Variants in PRKAG2 observed in about 807,000 individuals in gnomAD.
The protein encoded by PRKAG2 is protein kinase AMP-activated non-catalytic subunit gamma 2, also known as 5'-AMP-activated protein kinase subunit gamma-2.
PRKAG2 carries 26 observed loss-of-function variants against 69.6 expected under a neutral mutation model. The observed-to-expected ratio is 0.37, with a 90% confidence interval of 0.27 to 0.52. The LOEUF (loss-of-function observed/expected upper bound fraction) is 0.52, where lower values mean the gene tolerates loss of function less well. Among genes scored for constraint, PRKAG2 ranks in the 20% least tolerant of loss-of-function variants. The pLI is 0.90. For missense variants in PRKAG2, 557 were observed against 740.0 expected, an observed-to-expected ratio of 0.75 and a Z score of 2.87; for synonymous variants, 293 against 285.0, an observed-to-expected ratio of 1.03 and a Z score of -0.28.
At chr7:151,763,890 G>C (rs570888919) in intron 3 of PRKAG2, among the ~76,000 whole-genome samples, 2 of 152,376 alleles carry the variant, frequency 1.3e-5, no homozygotes, top group East Asian at 3.9e-4. Context: ...GGCTCCCCTT[G>C]GAGCTTGCAG....
At chr7:151,636,127 A>C (rs1363971326) in intron 4 of PRKAG2, among the ~76,000 whole-genome samples, 2 of 152,160 alleles carry the variant, frequency 1.3e-5, no homozygotes, top group African/African-American at 4.8e-5. Flanking sequence ...CTGGGATTAC[A>C]GGCATGAGCC....
intron 4 of PRKAG2, among the ~76,000 whole-genome samples, chr7:151,666,530 T>C (rs551993900): frequency 1.3e-5 from 2 of 152,372 alleles, no homozygotes; most frequent in East Asian, 3.9e-4. Context: ...GTATCTCTTA[T>C]GGTTTCCGTG....
chr7:151,719,125 G>A lies in PRKAG2; in HGVS notation c.467-43488C>T, dbSNP rs891689655. ...ACGTGTGCCACCCTGTTCCCCGAGC[G>A]TTGCTCCGGGAGACGAGATGTATCT... On this transcript the variant is annotated intron_variant, in intron 3 of 15. Transcript: ENST00000287878. This position sits in a 1 kb window ranked among gnomAD's most constrained non-coding sequence, Gnocchi z 5.2. Among the ~76,000 whole-genome samples, 3 of 152,164 alleles carry A rather than the reference G, an allele frequency of 2.0e-5. No individual in the cohort carries two copies. Among genetic ancestry groups the A allele is most frequent in the South Asian group, 2.1e-4 (1 of 4,794 alleles).
intron 6 of PRKAG2, among the ~76,000 whole-genome samples, chr7:151,587,064 G>A (rs1811852163): frequency 6.6e-6 from 1 of 152,164 alleles, no homozygotes; most frequent in Non-Finnish European, 1.5e-5. Flanking sequence ...GGGAGGCTGA[G>A]GTGGGAGAAT....
At chr7:151,562,908 T>G (rs1295940746) in intron 14 of PRKAG2, among the ~76,000 whole-genome samples, 1 of 145,116 alleles carries the variant, frequency 6.9e-6, no homozygotes, top group Non-Finnish European at 1.5e-5. Flanking sequence ...TGAGCCGAGA[T>G]CACGCCACTG....
intron 4 of PRKAG2, among the ~76,000 whole-genome samples, chr7:151,634,661 A>C (rs1237961267): frequency 6.6e-6 from 1 of 152,244 alleles, no homozygotes; most frequent in Non-Finnish European, 1.5e-5. Flanking sequence ...TACCAATATT[A>C]AACAGAAAAT....
chr7:151,563,329 T>A (rs576452514), intron 14 of PRKAG2, among the ~76,000 whole-genome samples: 1 of 152,304 alleles, frequency 6.6e-6, no homozygotes, highest in African/African-American at 2.4e-5. Context: ...GAAAATCTTA[T>A]AAGCAGTAAA....
chr7:151,747,409 T>C (rs948962621), intron 3 of PRKAG2, among the ~76,000 whole-genome samples: 1 of 152,000 alleles, frequency 6.6e-6, no homozygotes, highest in Non-Finnish European at 1.5e-5. Flanking sequence ...ATACAAAAAT[T>C]AGCCGGGCGT....
chr7:151,861,185 C>G (rs1367926181), intron 1 of PRKAG2, among the ~76,000 whole-genome samples: 1 of 152,142 alleles, frequency 6.6e-6, no homozygotes, highest in African/African-American at 2.4e-5. Flanking sequence ...AATTATTCAG[C>G]CAAAGCCTAA....
At chr7:151,564,643 G>A (rs1322984004) in intron 13 of PRKAG2, among the ~76,000 whole-genome samples, 10 of 152,156 alleles carry the variant, frequency 6.6e-5, no homozygotes, top group Admixed American at 6.5e-4. Context: ...GCTCCCTGGG[G>A]AACAAGGTTT....
At chr7:151,792,026 A>C (rs1326588809) in intron 1 of PRKAG2, among the ~76,000 whole-genome samples, 1 of 152,194 alleles carries the variant, frequency 6.6e-6, no homozygotes, top group African/African-American at 2.4e-5. Context: ...AACCAGGTCC[A>C]CCTGCTCCTA....
At chr7:151,560,857 G>A (rs1804791404) in intron 14 of PRKAG2, among the ~76,000 whole-genome samples, 2 of 152,068 alleles carry the variant, frequency 1.3e-5, no homozygotes, top group African/African-American at 4.8e-5. Context: ...AGGTTGCAGT[G>A]GGCCAAGATC....
chr7:151,802,612 C>T (rs1392617273), intron 1 of PRKAG2, among the ~76,000 whole-genome samples: 2 of 152,200 alleles, frequency 1.3e-5, no homozygotes, highest in Non-Finnish European at 2.9e-5. Flanking sequence ...CACAGTAGGT[C>T]AGTTCTCCCC....
chr7:151,820,886 C>T, intron 1 of PRKAG2, among the ~76,000 whole-genome samples: 1 of 127,992 alleles, frequency 7.8e-6, no homozygotes, highest in Non-Finnish European at 1.7e-5. Flanking sequence ...CTCTCAGTGG[C>T]CCATCACCAC....
Position 151,788,653 on chromosome 7 carries a change from CTTTGA to C in PRKAG2, c.115-2117_115-2113del, listed in dbSNP as rs764812318. ...GCTGTGTCCTTTGATGTACAGAAGT[CTTTGA>C]TTTATCTAATTTGCCTTTTGTTGCC... On this transcript the variant is annotated intron_variant, in intron 1 of 15. Coordinates refer to ENST00000287878, the MANE Select transcript of PRKAG2 (RefSeq NM_016203.4). This position sits in a 1 kb window ranked among gnomAD's most constrained non-coding sequence, Gnocchi z 4.6. Among the ~76,000 whole-genome samples the C allele has an allele frequency of 2.0e-5, 3 of 152,150 alleles. No homozygotes were observed. Among genetic ancestry groups the C allele is most frequent in the Non-Finnish European group, 4.4e-5 (3 of 68,014 alleles).
At chr7:151,803,601 G>A (rs1449693557) in intron 1 of PRKAG2, among the ~76,000 whole-genome samples, 1 of 152,074 alleles carries the variant, frequency 6.6e-6, no homozygotes, top group African/African-American at 2.4e-5. Flanking sequence ...GCATTTTAAT[G>A]CCTAAGAATT....
intron 13 of PRKAG2, 165 bp from the exon 14 acceptor site, chr7:151,564,389 T>C: frequency 1.5e-6 from 1 of 667,452 alleles, no homozygotes; most frequent in Non-Finnish European, 2.6e-6. Context: ...ATGCCATTGC[T>C]ACTGTTATTT....
chr7:151,683,315 G>A (rs1300013135), intron 3 of PRKAG2, among the ~76,000 whole-genome samples: 1 of 152,186 alleles, frequency 6.6e-6, no homozygotes, highest in East Asian at 1.9e-4. Context: ...GCTGTGCTGG[G>A]TGGAAACAGA....
At chr7:151,601,524 T>C (rs1816063679) in intron 5 of PRKAG2, among the ~76,000 whole-genome samples, 1 of 152,016 alleles carries the variant, frequency 6.6e-6, no homozygotes, top group Non-Finnish European at 1.5e-5. Flanking sequence ...AAAGAAAGGG[T>C]GCCCAGTAAG....
Sources: allele counts gnomAD v4.1 joint callset (sites outside exome capture counted in the v4.1 genomes callset), GRCh38; gene constraint gnomAD v4.1.1; non-coding constraint Gnocchi (gnomAD v3.1); transcripts MANE v1.5; gene names NCBI Gene and HGNC (gene_info 2026-07-23, HGNC 2026-07-21).